Variants in NF1 observed in about 807,000 individuals in gnomAD.
The protein encoded by NF1 is neurofibromin 1, also known as neurofibromin.
NF1 carries 122 observed loss-of-function variants against 325.7 expected under a neutral mutation model. The ratio of observed to expected loss-of-function variants is 0.37; its 90% CI spans 0.32 to 0.44. The LOEUF (loss-of-function observed/expected upper bound fraction) is 0.44, where lower values mean the gene tolerates loss of function less well. NF1 is among the 20% of genes least tolerant of loss of function. NF1 has a pLI of 1.00. For synonymous variants in NF1, 1,091 were observed against 1,186.0 expected (o/e 0.92, Z 1.65); for missense variants, 2,140 against 3,415.4 (o/e 0.63, Z 9.31).
chr17:31,279,061 A>G (rs1047655736), intron 36 of NF1, among the ~76,000 whole-genome samples: 5 of 152,126 alleles, frequency 3.3e-5, no homozygotes, highest in African/African-American at 4.8e-5. Flanking sequence ...CAACATCATG[A>G]GACCCTGTCT....
chr17:31,279,537 TC>T lies in NF1; in HGVS notation c.4835+14199del, dbSNP rs369608403. Among the ~76,000 whole-genome samples, 289 of 151,214 alleles carry T rather than the reference TC, an allele frequency of 1.9e-3. 1 individual carries two copies. The highest frequency in any genetic ancestry group is 6.5e-3 in the African/African-American group (268 of 41,130). On this transcript the variant is annotated intron_variant, in intron 36 of 57. Transcript: ENST00000358273. Reference sequence around the variant, plus strand: ...TACTTGGGAGCCTGAGGTGGGAGGATCGCTTGAGCTCAGAATCCAGTCTGGG... The same window carrying T: ...TACTTGGGAGCCTGAGGTGGGAGGATGCTTGAGCTCAGAATCCAGTCTGGG...
chr17:31,223,091 C>CA (rs2066954541), intron 15 of NF1, among the ~76,000 whole-genome samples: 1 of 152,174 alleles, frequency 6.6e-6, no homozygotes, highest in Non-Finnish European at 1.5e-5. Context: ...TGGTAGCTTG[C>CA]AGACCCCCAC....
At chr17:31,355,375 T>C (rs540894058) in intron 51 of NF1, among the ~76,000 whole-genome samples, 1 of 152,298 alleles carries the variant, frequency 6.6e-6, no homozygotes, top group South Asian at 2.1e-4. Flanking sequence ...GCTTCATCAG[T>C]GTACATGTGC....
intron 48 of NF1, among the ~76,000 whole-genome samples, chr17:31,346,805 T>A (rs1372754316): frequency 6.7e-6 from 1 of 150,224 alleles, no homozygotes; most frequent in Non-Finnish European, 1.5e-5. Context: ...CATCCTGGGA[T>A]GAAAGAATTT....
intron 5 of NF1, among the ~76,000 whole-genome samples, chr17:31,172,047 G>A (rs2065935487): frequency 6.6e-6 from 1 of 152,138 alleles, no homozygotes; most frequent in African/African-American, 2.4e-5. Context: ...GAATAGGTCA[G>A]ATCATTTTAA....
At chr17:31,109,128 C>T (rs1400627817) in intron 1 of NF1, among the ~76,000 whole-genome samples, 1 of 152,180 alleles carries the variant, frequency 6.6e-6, no homozygotes, top group Non-Finnish European at 1.5e-5. Flanking sequence ...ACCCTTTCAC[C>T]TTTACCCACT....
Position 31,377,053 on chromosome 17 carries a change from G to GGTATTTT in NF1, c.*2900_*2901insATTTTGT. 4.3e-6 allele frequency: 1 copy of GGTATTTT among 233,530 alleles called. No individual in the cohort carries two copies. Among genetic ancestry groups the GGTATTTT allele is most frequent in the Non-Finnish European group, 8.5e-6 (1 of 118,088 alleles). The allele number at this position is 233,530 out of a possible 1,614,324, so 14.5% of individuals were successfully genotyped here. A position where few individuals can be genotyped will look rare whatever the true frequency, so the allele number is the denominator to read the frequency against. On this transcript the variant is annotated 3_prime_UTR_variant, in exon 58 of 58. Coordinates refer to ENST00000358273, the MANE Select transcript of NF1 (RefSeq NM_001042492.3). Reference sequence around the variant, plus strand: ...TTTTAGGGGTTTTCAGTTTTGTTTGGGTTTTTTGTTTTTTGTTTTTGTTTC... The same window carrying GGTATTTT: ...TTTTAGGGGTTTTCAGTTTTGTTTGGGTATTTTGTTTTTTGTTTTTTGTTTTTGTTTC...
chr17:31,310,651 G>C (rs2068848098), intron 36 of NF1, among the ~76,000 whole-genome samples: 1 of 150,552 alleles, frequency 6.6e-6, no homozygotes, highest in South Asian at 2.1e-4. Context: ...TTTTTTCCCT[G>C]ACACTATCCA....
chr17:31,315,969 G>A (rs976058425), intron 36 of NF1, among the ~76,000 whole-genome samples: 6 of 151,914 alleles, frequency 3.9e-5, no homozygotes, highest in South Asian at 2.1e-4. Context: ...GCTGTGTTGC[G>A]CAGGCTGGTC....
chr17:31,168,642 G>C (rs1027915914), intron 4 of NF1, among the ~76,000 whole-genome samples: 1 of 151,894 alleles, frequency 6.6e-6, no homozygotes, highest in Non-Finnish European at 1.5e-5. Context: ...CATTTGGCTG[G>C]GGGGGGACAA....
rs768884582 is a variant in NF1 at position 31,326,237 on chromosome 17, C to A, written c.5253C>A (p.Thr1751=). ...HNALKLAHKD[T]KVSIKVGSTA... is the part of the protein sequence containing the mutation. The stretch of plus-strand genomic sequence containing the variant: ...CTCTCAAGCTAGCTCACAAAGACAC[C>A]AAAGTTTCTATTAAAGTAAGTTCCA... The change falls in exon 37 of 58, where the codon ACC becomes ACA. Residue 1751 remains threonine, a synonymous_variant. Coordinates refer to ENST00000358273, the MANE Select transcript of NF1 (RefSeq NM_001042492.3). 1.2e-6 allele frequency: 2 copies of A among 1,609,328 alleles called. No homozygotes were observed. The highest frequency in any genetic ancestry group is 2.2e-5 in the East Asian group (1 of 44,884).
At chr17:31,197,422 G>A (rs1405028007) in intron 8 of NF1, among the ~76,000 whole-genome samples, 1 of 150,092 alleles carries the variant, frequency 6.7e-6, no homozygotes, top group African/African-American at 2.5e-5. Context: ...ATTGCTTTGG[G>A]TAATATTGTT....
At chr17:31,267,700 A>G (rs947787450) in intron 36 of NF1, among the ~76,000 whole-genome samples, 4 of 152,140 alleles carry the variant, frequency 2.6e-5, no homozygotes, top group Admixed American at 6.5e-5. Context: ...TGGATTTTCT[A>G]ATTTCCTTAT....
chr17:31,166,809 T>C (rs2065854516), intron 4 of NF1, among the ~76,000 whole-genome samples: 1 of 152,140 alleles, frequency 6.6e-6, no homozygotes, highest in Non-Finnish European at 1.5e-5. Context: ...CCAGTCTCCA[T>C]GTGGATGTTA....
intron 1 of NF1, among the ~76,000 whole-genome samples, chr17:31,117,991 A>G (rs1390768403): frequency 1.3e-5 from 2 of 152,216 alleles, no homozygotes; most frequent in African/African-American, 4.8e-5. Context: ...CTTAAGGGAT[A>G]AGGGCTGAAT....
chr17:31,201,282 C>A (rs2066524428), intron 10 of NF1, 123 bp downstream of exon 10: 1 of 1,471,898 alleles, frequency 6.8e-7, no homozygotes, highest in Non-Finnish European at 9.4e-7. Flanking sequence ...TATTGATGTT[C>A]GTTTCAAGAC....
intron 11 of NF1, among the ~76,000 whole-genome samples, chr17:31,204,846 G>A (rs987212920): frequency 1.3e-5 from 2 of 152,102 alleles, no homozygotes; most frequent in Non-Finnish European, 2.9e-5. Context: ...AACACAAGCT[G>A]TATAATTTAG....
chr17:31,162,854 A>G (rs1463333419), intron 3 of NF1, among the ~76,000 whole-genome samples: 2 of 152,198 alleles, frequency 1.3e-5, no homozygotes, highest in Non-Finnish European at 2.9e-5. Flanking sequence ...TCGATTCTGT[A>G]ATTGTAGAAC....
At chr17:31,208,919 C>T (rs772079129) in intron 12 of NF1, among the ~76,000 whole-genome samples, 64 of 152,078 alleles carry the variant, frequency 4.2e-4, no homozygotes, top group Non-Finnish European at 4.4e-4. Context: ...AAAAAACTCA[C>T]TACAGGTGGC....
Sources: allele counts gnomAD v4.1 joint callset (sites outside exome capture counted in the v4.1 genomes callset), GRCh38; gene constraint gnomAD v4.1.1; transcripts MANE v1.5; gene names NCBI Gene and HGNC (gene_info 2026-07-23, HGNC 2026-07-21).